MTUS2: variants seen among roughly 807,000 people sequenced by gnomAD.
MTUS2 encodes microtubule-associated tumor suppressor candidate 2.
A neutral mutation model predicts 114.1 loss-of-function variants in MTUS2; 40 were observed. The ratio of observed to expected loss-of-function variants is 0.35; its 90% CI spans 0.27 to 0.46. MTUS2 has a LOEUF of 0.46. Among genes scored for constraint, MTUS2 ranks in the 20% least tolerant of loss-of-function variants. MTUS2 has a pLI of 1.00. For synonymous variants in MTUS2, 688 were observed against 672.0 expected (o/e 1.02, Z -0.37); for missense variants, 1,679 against 1,705.4 (o/e 0.98, Z 0.27).
chr13:29,389,550 TACAC>T (rs1262848327), intron 8 of MTUS2, among the ~76,000 whole-genome samples: 13 of 91,058 alleles, frequency 1.4e-4, no homozygotes, highest in African/African-American at 4.3e-4. Flanking sequence ...TGTATATGTA[TACAC>T]GTGTGTATAT....
chr13:29,061,951 A>G (rs1022403462), intron 4 of MTUS2, among the ~76,000 whole-genome samples: 3 of 152,034 alleles, frequency 2.0e-5, no homozygotes, highest in Non-Finnish European at 2.9e-5. Flanking sequence ...GTTCCAGGCT[A>G]TTTTTTATGA....
chr13:28,906,835 G>C (rs1483960891), intron 2 of MTUS2, among the ~76,000 whole-genome samples: 1 of 151,534 alleles, frequency 6.6e-6, no homozygotes, highest in African/African-American at 2.4e-5. Flanking sequence ...TTTGCACGGT[G>C]TTATCCAGGA....
rs1875589770 is a variant in MTUS2 at position 28,842,674 on chromosome 13, A to G, written c.-243+2824A>G. ...GAGATCCTTTATGATGATTCTGTAA[A>G]GATGTATATACTCTGCAGCAAGAGA... On this transcript the variant is annotated intron_variant, in intron 2 of 15. Coordinates refer to ENST00000612955, the MANE Select transcript of MTUS2 (RefSeq NM_001033602.4). 2.0e-5 allele frequency among the ~76,000 whole-genome samples: 3 copies of G among 152,208 alleles called. No homozygotes were observed. In the South Asian group the frequency reaches 6.2e-4, roughly 31 times the overall value.
chr13:29,426,086 C>A (rs1876502640), intron 8 of MTUS2, among the ~76,000 whole-genome samples: 1 of 152,180 alleles, frequency 6.6e-6, no homozygotes, highest in Admixed American at 6.5e-5. Flanking sequence ...GGCCTTCCCA[C>A]CCCACCTGGC....
chr13:29,015,748 G>T (rs1886036815), intron 2 of MTUS2, among the ~76,000 whole-genome samples: 2 of 152,070 alleles, frequency 1.3e-5, no homozygotes, highest in South Asian at 4.2e-4. Flanking sequence ...TAAACATGAT[G>T]AAGTATTTAT....
chr13:29,085,051 C>G (rs534849219), intron 4 of MTUS2, among the ~76,000 whole-genome samples: 31 of 152,228 alleles, frequency 2.0e-4, no homozygotes, highest in African/African-American at 7.0e-4. Flanking sequence ...TTCGTTCATG[C>G]AAGGAGATGC....
At chr13:28,881,347 A>G (rs1878277730) in intron 2 of MTUS2, among the ~76,000 whole-genome samples, 1 of 151,922 alleles carries the variant, frequency 6.6e-6, no homozygotes, top group Non-Finnish European at 1.5e-5. Context: ...TAATGTATGT[A>G]CCACATTTTT....
At chr13:28,894,612 A>C (rs1237241871) in intron 2 of MTUS2, among the ~76,000 whole-genome samples, 1 of 152,234 alleles carries the variant, frequency 6.6e-6, no homozygotes, top group African/African-American at 2.4e-5. Flanking sequence ...AAAACTTAGG[A>C]CAACTGAGGG....
chr13:29,092,531 A>C (rs1431841850), intron 4 of MTUS2, among the ~76,000 whole-genome samples: 1 of 152,186 alleles, frequency 6.6e-6, no homozygotes, highest in East Asian at 1.9e-4. Context: ...TGTCAGAGTA[A>C]CCTTATTCAT....
chr13:29,136,200 AT>A (rs1411394092), intron 5 of MTUS2, among the ~76,000 whole-genome samples: 1 of 152,162 alleles, frequency 6.6e-6, no homozygotes, highest in Non-Finnish European at 1.5e-5. Context: ...ATGTCTGTTG[AT>A]TAGGAACAAA....
intron 8 of MTUS2, among the ~76,000 whole-genome samples, chr13:29,439,095 A>G (rs1877637492): frequency 6.6e-6 from 1 of 152,246 alleles, no homozygotes; most frequent in Non-Finnish European, 1.5e-5. Flanking sequence ...CTCCCCGGAA[A>G]TCACTTTGCT....
chr13:28,938,608 A>G (rs1233952564), intron 2 of MTUS2, among the ~76,000 whole-genome samples: 1 of 152,108 alleles, frequency 6.6e-6, no homozygotes, highest in African/African-American at 2.4e-5. Flanking sequence ...CTTGCTTACT[A>G]ACATGTGGTA....
intron 5 of MTUS2, among the ~76,000 whole-genome samples, chr13:29,158,811 C>G (rs1438491913): frequency 6.6e-6 from 1 of 152,086 alleles, no homozygotes; most frequent in East Asian, 1.9e-4. Context: ...CTCAGGGAAC[C>G]CACTGTTCAA....
intron 2 of MTUS2, among the ~76,000 whole-genome samples, chr13:28,848,497 A>G (rs1876032994): frequency 6.6e-6 from 1 of 152,106 alleles, no homozygotes; most frequent in South Asian, 2.1e-4. Context: ...ACGATAAATA[A>G]TAAAAACAAA....
chr13:29,016,875 A>G (rs1193397344), intron 2 of MTUS2, among the ~76,000 whole-genome samples: 1 of 152,196 alleles, frequency 6.6e-6, no homozygotes, highest in African/African-American at 2.4e-5. Context: ...AGCATCTCCC[A>G]AAGAATAATT....
intron 13 of MTUS2, 117 bp from the exon 14 acceptor site, chr13:29,498,301 A>G (rs1882679173): frequency 2.1e-6 from 3 of 1,403,704 alleles, no homozygotes; most frequent in Non-Finnish European, 2.9e-6. Context: ...TTGGTGTTGC[A>G]GTTGCCATCA....
intron 4 of MTUS2, among the ~76,000 whole-genome samples, chr13:29,091,603 C>A (rs879619230): frequency 1.3e-5 from 2 of 152,098 alleles, no homozygotes; most frequent in African/African-American, 2.4e-5. Flanking sequence ...GATCTGGAGC[C>A]AATACCTAGT....
At chr13:29,452,876 C>T (rs1009725664) in intron 9 of MTUS2, among the ~76,000 whole-genome samples, 6 of 152,162 alleles carry the variant, frequency 3.9e-5, no homozygotes, top group African/African-American at 1.4e-4. Context: ...AGTCAGCTGC[C>T]TCCACTGGTT....
At chr13:29,482,122 T>C (rs1881231993) in intron 10 of MTUS2, 1 of 152,184 alleles carries the variant, frequency 6.6e-6, no homozygotes, top group Non-Finnish European at 1.5e-5. Context: ...ACCAAAGGCC[T>C]CTGATCTGAA....
Sources: gnomAD v4.1 joint callset for allele counts (sites outside exome capture counted in the v4.1 genomes callset) on GRCh38, gnomAD v4.1.1 for gene constraint, MANE v1.5 for transcripts, NCBI Gene and HGNC (gene_info 2026-07-23, HGNC 2026-07-21) for gene names.